Variants in RUBCN observed in about 807,000 individuals in gnomAD.
The protein encoded by RUBCN is rubicon autophagy regulator, also known as run domain Beclin-1-interacting and cysteine-rich domain-containing protein.
A neutral mutation model predicts 113.2 loss-of-function variants in RUBCN; 74 were observed. That is an observed-to-expected ratio of 0.65 (90% CI 0.54 to 0.79). The LOEUF is 0.79. Ranked by LOEUF, RUBCN falls within the 30% of genes least tolerant of loss-of-function variation. The pLI, the probability that RUBCN is intolerant of heterozygous loss-of-function variation, is 0.00. For missense variants in RUBCN, 1,109 were observed against 1,251.7 expected (o/e 0.89, Z 1.72); for synonymous variants, 480 against 490.0 (o/e 0.98, Z 0.27).
rs149343605 is a variant in RUBCN at position 197,726,542 on chromosome 3, A to G, written c.66-8412T>C. Among the ~76,000 whole-genome samples the G allele has an allele frequency of 4.1e-3, 573 of 140,024 alleles. 7 individuals are homozygous for G. Among genetic ancestry groups the G allele is most frequent in the African/African-American group, 0.015 (546 of 36,936 alleles). 91.9% of individuals were successfully genotyped at this position (140,024 alleles called of 152,430 possible). A position where few individuals can be genotyped will look rare whatever the true frequency, so the allele number is the denominator to read the frequency against. On this transcript the variant is annotated intron_variant, in intron 1 of 19. Transcript: ENST00000296343. ...ATTACAGGCGTGAGCCACCGCGTCC[A>G]GCCTATTTTATTTCTGAGACAGAGT...
At chr3:197,747,124 T>C (rs144779671) in intron 1 of RUBCN, among the ~76,000 whole-genome samples, 6 of 152,150 alleles carry the variant, frequency 3.9e-5, no homozygotes, top group Non-Finnish European at 7.4e-5. Context: ...TTATTTTTAC[T>C]GTGTGTGTCT....
chr3:197,709,311 T>C (rs1336225993), intron 2 of RUBCN, among the ~76,000 whole-genome samples: 2 of 151,808 alleles, frequency 1.3e-5, no homozygotes, highest in African/African-American at 2.4e-5. Flanking sequence ...ACCACCACCA[T>C]CACCACCACC....
At chr3:197,712,912 T>C (rs1276123424) in intron 2 of RUBCN, among the ~76,000 whole-genome samples, 1 of 151,324 alleles carries the variant, frequency 6.6e-6, no homozygotes, top group Non-Finnish European at 1.5e-5. Context: ...CAGGCTGGAG[T>C]GCAATGGTGC....
chr3:197,700,871 G>C lies in RUBCN; in HGVS notation c.1003C>G (p.Arg335Gly). The part of the protein sequence containing the change: ...LAIGNLDPRG[R>G]TASCQSHSSN... ...CTGTGACTCTGACAGCTGGCAGTCC[G>C]GCCTCGGGGGTCCAAGTTGCCAATG... Residue 335 changes from arginine (R) to glycine (G), a missense_variant, in exon 7 of 20, where the codon CGG becomes GGG. By Grantham distance (125) the Arg-to-Gly change is moderately radical. Coordinates refer to ENST00000296343, the MANE Select transcript of RUBCN (RefSeq NM_014687.4). 1 of 1,614,188 alleles carries C rather than the reference G, an allele frequency of 6.2e-7. No individual in the cohort carries two copies. Among genetic ancestry groups the C allele is most frequent in the Non-Finnish European group, 8.5e-7 (1 of 1,180,044 alleles).
intron 1 of RUBCN, among the ~76,000 whole-genome samples, chr3:197,731,038 G>T (rs1271955012): frequency 6.6e-6 from 1 of 151,450 alleles, no homozygotes; most frequent in South Asian, 2.1e-4. Context: ...GGTGTTTCTC[G>T]CAGAGGGGGA....
At chr3:197,729,760 T>C (rs1268173403) in intron 1 of RUBCN, among the ~76,000 whole-genome samples, 9 of 151,740 alleles carry the variant, frequency 5.9e-5, no homozygotes, top group Admixed American at 5.9e-4. Flanking sequence ...CATTTTGCCA[T>C]GTTGACCAGG....
chr3:197,717,159 G>A (rs1276681535), intron 2 of RUBCN, among the ~76,000 whole-genome samples: 1 of 150,758 alleles, frequency 6.6e-6, no homozygotes. Flanking sequence ...AGAGAGCTGG[G>A]TGCGGTGGCT....
At chr3:197,707,261 G>A (rs1157010012) in intron 2 of RUBCN, among the ~76,000 whole-genome samples, 1 of 152,032 alleles carries the variant, frequency 6.6e-6, no homozygotes, top group African/African-American at 2.4e-5. Flanking sequence ...GAACCCGGGA[G>A]GCAGAGCTTG....
chr3:197,719,476 C>CAAAA (rs369029082), intron 1 of RUBCN, among the ~76,000 whole-genome samples: 6 of 54,184 alleles, frequency 1.1e-4, no homozygotes, highest in South Asian at 6.8e-4. Flanking sequence ...GAGATTGTCT[C>CAAAA]AAAAAAAAAA....
chr3:197,728,705 A>T (rs992646378), intron 1 of RUBCN, among the ~76,000 whole-genome samples: 4 of 152,224 alleles, frequency 2.6e-5, no homozygotes, highest in African/African-American at 7.2e-5. Flanking sequence ...TTAAAGAGGA[A>T]GAGTCCCATC....
chr3:197,721,409 C>T (rs1232737866), intron 1 of RUBCN, among the ~76,000 whole-genome samples: 1 of 152,312 alleles, frequency 6.6e-6, no homozygotes, highest in Non-Finnish European at 1.5e-5. Context: ...TTACCCATAA[C>T]AGCCTCTAGT....
At chr3:197,691,851 A>T (rs571956507) in intron 11 of RUBCN, among the ~76,000 whole-genome samples, 1 of 152,178 alleles carries the variant, frequency 6.6e-6, no homozygotes, top group East Asian at 1.9e-4. Context: ...TAGGAGATGA[A>T]GTCAATCACA....
chr3:197,713,736 T>C (rs79227924), intron 2 of RUBCN, among the ~76,000 whole-genome samples: 1 of 151,054 alleles, frequency 6.6e-6, no homozygotes, highest in African/African-American at 2.4e-5. Flanking sequence ...TTCAGGAAAA[T>C]ACACAGAGTA....
chr3:197,701,711 A>G lies in RUBCN; in HGVS notation c.724T>C (p.Ser242Pro), dbSNP rs1422983464. The G allele has an allele frequency of 6.2e-7, 1 of 1,613,850 alleles. No individual in the cohort carries two copies. Among genetic ancestry groups the G allele is most frequent in the Non-Finnish European group, 8.5e-7 (1 of 1,179,884 alleles). Residue 242 changes from serine (S) to proline (P), a missense_variant, in exon 6 of 20, where the codon TCA (serine) becomes CCA (proline). Ser to Pro is a moderately conservative substitution (Grantham distance 74). Transcript: ENST00000296343. Reference sequence around the variant, plus strand: ...CCACTTTTTCCTGTCCCCATACCTGAGCCATTGTTGGGCACGGATTGGTGG... The same window carrying G: ...CCACTTTTTCCTGTCCCCATACCTGGGCCATTGTTGGGCACGGATTGGTGG... Reference protein sequence around the residue: ...SLHQSVPNNGSERRSTSFPLS... With the variant: ...SLHQSVPNNGPERRSTSFPLS...
intron 1 of RUBCN, among the ~76,000 whole-genome samples, 197 bp from the exon 2 acceptor site, chr3:197,718,327 A>G (rs1256069637): frequency 6.6e-6 from 1 of 152,210 alleles, no homozygotes; most frequent in African/African-American, 2.4e-5. Context: ...GACAAAAAAC[A>G]AACAGCAAAA....
chr3:197,700,696 T>G lies in RUBCN; in HGVS notation c.1178A>C (p.Gln393Pro). ...VLRRSSFSEG[Q>P]TLTVTSGAKK... Reference sequence around the variant, plus strand: ...TGCCCCACTGGTGACAGTGAGTGTCTGCCCCTCTGAGAAGCTGGACCTGCG... The same window carrying G: ...TGCCCCACTGGTGACAGTGAGTGTCGGCCCCTCTGAGAAGCTGGACCTGCG... Residue 393 changes from glutamine (Q) to proline (P), a missense_variant, in exon 7 of 20, where the codon CAG becomes CCG. Coordinates refer to ENST00000296343, the MANE Select transcript of RUBCN (RefSeq NM_014687.4). 1.2e-6 allele frequency: 2 copies of G among 1,614,232 alleles called. No individual in the cohort carries two copies. The highest frequency in any genetic ancestry group is 1.7e-6 in the Non-Finnish European group (2 of 1,180,038).
rs765408047 is a variant in RUBCN, at chr3:197,700,611, A to G, written c.1261+2T>C. 6 of 1,613,984 alleles carry G rather than the reference A, an allele frequency of 3.7e-6. No homozygotes were observed. The highest frequency in any genetic ancestry group is 5.1e-6 in the Non-Finnish European group (6 of 1,180,002). ...TAACTAGCAGCCGGTGTTCCTCATTACCTGGAGCTCCCCTGGAGGCAATGC... is the reference window on the plus strand; with the variant it reads ...TAACTAGCAGCCGGTGTTCCTCATTGCCTGGAGCTCCCCTGGAGGCAATGC... On this transcript the variant is annotated splice_donor_variant, in intron 7 of 19. Coordinates refer to ENST00000296343, the MANE Select transcript of RUBCN (RefSeq NM_014687.4). LOFTEE classifies it high-confidence loss of function.
At position 197,672,057 on chromosome 3, in the gene RUBCN, A is replaced by G. The variant is rs1397752075; in HGVS notation, c.*2961T>C. 2 of 152,268 alleles carry G rather than the reference A, an allele frequency of 1.3e-5. No homozygotes were observed. The highest frequency in any genetic ancestry group is 4.8e-5 in the African/African-American group (2 of 41,474). The allele number at this position is 152,268 out of a possible 1,614,324, so 9.4% of individuals were successfully genotyped here. ...AACTGCCAGGCTGCACAAGCACCAC[A>G]GCAGGTGGAAACGCAGTTCAGAGCA... On this transcript the variant is annotated 3_prime_UTR_variant, in exon 20 of 20. Coordinates refer to ENST00000296343, the MANE Select transcript of RUBCN (RefSeq NM_014687.4).
At position 197,701,012 on chromosome 3, in the gene RUBCN, G is replaced by A; in HGVS notation, c.862C>T (p.Pro288Ser). 1 of 1,614,188 alleles carries A rather than the reference G, an allele frequency of 6.2e-7. No individual in the cohort carries two copies. The highest frequency in any genetic ancestry group is 8.5e-7 in the Non-Finnish European group (1 of 1,180,034). Residue 288 changes from proline (P) to serine (S), a missense_variant, in exon 7 of 20, where the codon CCT becomes TCT. This residue lies in a region of RUBCN where 736 missense variants were observed against 779.6 expected (regional missense o/e 0.94). Coordinates refer to ENST00000296343, the MANE Select transcript of RUBCN (RefSeq NM_014687.4). ...VSVSALARDSPLTPNEMSSST... is the reference protein window; with the variant it reads ...VSVSALARDSSLTPNEMSSST... ...GAGCTCATTTCATTTGGGGTCAAAGGGGAATCCCTGGCTAGTGCAGAGACT... is the reference window on the plus strand; with the variant it reads ...GAGCTCATTTCATTTGGGGTCAAAGAGGAATCCCTGGCTAGTGCAGAGACT...
Sources: allele counts gnomAD v4.1 joint callset (sites outside exome capture counted in the v4.1 genomes callset), GRCh38; gene constraint gnomAD v4.1.1; regional missense constraint gnomAD v4.1.1; transcripts MANE v1.5; gene names NCBI Gene and HGNC (gene_info 2026-07-23, HGNC 2026-07-21).